Variants in STK32B observed in about 807,000 individuals in gnomAD.
STK32B encodes serine/threonine kinase 32B, also known as serine/threonine-protein kinase 32B.
In STK32B, 43 loss-of-function variants were observed where a neutral mutation model predicts 52.6. That is an observed-to-expected ratio of 0.82 (90% CI 0.64 to 1.05). The LOEUF is 1.05. STK32B is among the 50% of genes least tolerant of loss of function. The probability of loss-of-function intolerance (pLI) is 0.00; values close to 1 mark genes in which losing one functional copy is unlikely to be tolerated. For synonymous variants in STK32B, 238 were observed against 204.3 expected, an observed-to-expected ratio of 1.17 and a Z score of -1.41; for missense variants, 621 against 534.6, an observed-to-expected ratio of 1.16 and a Z score of -1.59.
At chr4:5,374,390 A>G (rs1157681822) in intron 4 of STK32B, among the ~76,000 whole-genome samples, 1 of 152,256 alleles carries the variant, frequency 6.6e-6, no homozygotes, top group Non-Finnish European at 1.5e-5. Flanking sequence ...AAGACGCTTC[A>G]CATCAGTCCC....
At chr4:5,404,622 C>T (rs1019204323) in intron 5 of STK32B, among the ~76,000 whole-genome samples, 3 of 152,038 alleles carry the variant, frequency 2.0e-5, no homozygotes, top group Non-Finnish European at 4.4e-5. Flanking sequence ...TGGATATCCT[C>T]TTCCATATTT....
chr4:5,056,167 A>G (rs1214874885), intron 1 of STK32B, among the ~76,000 whole-genome samples: 1 of 151,970 alleles, frequency 6.6e-6, no homozygotes, highest in Non-Finnish European at 1.5e-5. Context: ...TAGGTTGTGC[A>G]CTCCTTATGA....
intron 11 of STK32B, among the ~76,000 whole-genome samples, chr4:5,489,601 AATTTT>A (rs776144266): frequency 3.2e-4 from 49 of 151,960 alleles, no homozygotes; most frequent in Admixed American, 1.6e-3. Flanking sequence ...CATTAACAAC[AATTTT>A]ATTTTATTTT....
intron 2 of STK32B, among the ~76,000 whole-genome samples, chr4:5,140,604 A>G (rs1183527681): frequency 6.6e-6 from 1 of 152,210 alleles, no homozygotes; most frequent in Admixed American, 6.5e-5. Flanking sequence ...ACCCTTGGCC[A>G]CATAGGCGGG....
At chr4:5,482,565 A>G (rs1185568546) in intron 11 of STK32B, among the ~76,000 whole-genome samples, 1 of 152,172 alleles carries the variant, frequency 6.6e-6, no homozygotes, top group Non-Finnish European at 1.5e-5. Flanking sequence ...TTCCTAATTG[A>G]ATACCCTTTT....
intron 3 of STK32B, among the ~76,000 whole-genome samples, chr4:5,213,425 C>T (rs553113653): frequency 6.6e-6 from 1 of 152,196 alleles, no homozygotes; most frequent in Non-Finnish European, 1.5e-5. Flanking sequence ...ATCCAGATTC[C>T]TTTCTGTTGG....
chr4:5,186,360 C>T (rs1473252397), intron 3 of STK32B, among the ~76,000 whole-genome samples: 1 of 152,186 alleles, frequency 6.6e-6, no homozygotes, highest in Non-Finnish European at 1.5e-5. Context: ...GTCTCCCTAG[C>T]ATCTGACGTT....
chr4:5,319,277 TAC>T (rs1344892692), intron 3 of STK32B, among the ~76,000 whole-genome samples: 1 of 152,190 alleles, frequency 6.6e-6, no homozygotes, highest in East Asian at 1.9e-4. Context: ...CCAGAGCCTG[TAC>T]ACTTCAAAAG....
At chr4:5,023,792 T>G in the STK32B span, among the ~76,000 whole-genome samples, 1 of 152,178 alleles carries the variant, frequency 6.6e-6, no homozygotes, top group Non-Finnish European at 1.5e-5. Context: ...AATTCAATCT[T>G]GCTCCTCCTT....
intron 3 of STK32B, among the ~76,000 whole-genome samples, chr4:5,197,086 G>T (rs1018452506): frequency 5.9e-4 from 90 of 152,300 alleles, no homozygotes; most frequent in African/African-American, 1.9e-3. Flanking sequence ...ACCAAATTGG[G>T]ACTCAGAAAC....
At chr4:5,074,209 T>TGC (rs1553818758) in intron 1 of STK32B, among the ~76,000 whole-genome samples, 21 of 144,300 alleles carry the variant, frequency 1.5e-4, no homozygotes, top group Middle Eastern at 3.4e-3. Context: ...TGTGTGTGTG[T>TGC]GCGCGTGCGT....
intron 5 of STK32B, among the ~76,000 whole-genome samples, chr4:5,401,779 A>G (rs6855057): frequency 0.036 from 5,516 of 152,322 alleles, 320 homozygotes; most frequent in African/African-American, 0.12. Flanking sequence ...TATTGGTACA[A>G]TAAAGCTGGG....
chr4:5,090,136 A>G (rs957105645), intron 1 of STK32B, among the ~76,000 whole-genome samples: 12 of 151,302 alleles, frequency 7.9e-5, no homozygotes, highest in African/African-American at 2.9e-4. Flanking sequence ...GGAGATTGCA[A>G]AAATTTTCTT....
intron 1 of STK32B, among the ~76,000 whole-genome samples, chr4:5,135,547 C>G (rs1023036290): frequency 6.6e-6 from 1 of 152,176 alleles, no homozygotes; most frequent in Non-Finnish European, 1.5e-5. Flanking sequence ...GACAACCTGA[C>G]CCACTGAACA....
chr4:5,377,180 A>G (rs1303240244), intron 4 of STK32B, among the ~76,000 whole-genome samples: 1 of 152,204 alleles, frequency 6.6e-6, no homozygotes, highest in Non-Finnish European at 1.5e-5. Flanking sequence ...CGGTGCATCT[A>G]GAAATATTCT....
intron 1 of STK32B, among the ~76,000 whole-genome samples, chr4:5,072,054 GTAAT>G (rs1281387099): frequency 1.3e-5 from 2 of 152,148 alleles, no homozygotes; most frequent in Non-Finnish European, 2.9e-5. Flanking sequence ...TTATCTGTTT[GTAAT>G]TAATGGGAAT....
At chr4:5,153,932 T>G (rs1560181380) in intron 2 of STK32B, among the ~76,000 whole-genome samples, 1 of 152,226 alleles carries the variant, frequency 6.6e-6, no homozygotes, top group Non-Finnish European at 1.5e-5. Flanking sequence ...TATACAGATT[T>G]GATTTTGGTT....
At chr4:5,413,831 A>C (rs1450795650) in intron 5 of STK32B, among the ~76,000 whole-genome samples, 1 of 152,200 alleles carries the variant, frequency 6.6e-6, no homozygotes, top group African/African-American at 2.4e-5. Flanking sequence ...TAACTTGCAA[A>C]ACAAAACCAC....
intron 7 of STK32B, among the ~76,000 whole-genome samples, chr4:5,455,771 A>G (rs1197538800): frequency 6.6e-6 from 1 of 152,168 alleles, no homozygotes; most frequent in African/African-American, 2.4e-5. Context: ...GAACACAGAA[A>G]TGAGCGTGGT....
Sources: gnomAD v4.1 joint callset for allele counts (sites outside exome capture counted in the v4.1 genomes callset) on GRCh38, gnomAD v4.1.1 for gene constraint, MANE v1.5 for transcripts, NCBI Gene and HGNC (gene_info 2026-07-23, HGNC 2026-07-21) for gene names.